Variants in KANSL1L observed in about 807,000 individuals in gnomAD.
KANSL1L encodes the protein KAT8 regulatory NSL complex subunit 1-like protein.
Under a neutral mutation model 108.6 loss-of-function variants are expected in KANSL1L, and 25 were observed. That is an observed-to-expected ratio of 0.23 (90% CI 0.17 to 0.32). The LOEUF (loss-of-function observed/expected upper bound fraction) is 0.32, where lower values mean the gene tolerates loss of function less well. Ranked by LOEUF, KANSL1L falls within the 10% of genes least tolerant of loss-of-function variation. The pLI is 1.00. For synonymous variants in KANSL1L, 405 were observed against 395.1 expected, an observed-to-expected ratio of 1.03 and a Z score of -0.30; for missense variants, 1,137 against 1,125.7, an observed-to-expected ratio of 1.01 and a Z score of -0.14.
At chr2:210,045,280 TA>T (rs2094211866) in intron 6 of KANSL1L, among the ~76,000 whole-genome samples, 1 of 151,610 alleles carries the variant, frequency 6.6e-6, no homozygotes, top group African/African-American at 2.4e-5. Flanking sequence ...CTCTTAATTT[TA>T]ATTTATTTAT....
At chr2:210,056,072 G>C (rs889041742) in intron 6 of KANSL1L, among the ~76,000 whole-genome samples, 1 of 152,220 alleles carries the variant, frequency 6.6e-6, no homozygotes, top group Non-Finnish European at 1.5e-5. Flanking sequence ...GTGCAGCCTT[G>C]GGGTGTGGTG....
chr2:210,137,703 A>G (rs1389300432), intron 2 of KANSL1L, among the ~76,000 whole-genome samples: 1 of 152,166 alleles, frequency 6.6e-6, no homozygotes, highest in Non-Finnish European at 1.5e-5. Flanking sequence ...TTCATAACAT[A>G]ATTCCCTGGG....
chr2:210,092,407 C>A (rs2094700008), intron 5 of KANSL1L, among the ~76,000 whole-genome samples: 1 of 152,124 alleles, frequency 6.6e-6, no homozygotes, highest in South Asian at 2.1e-4. Context: ...TCTTCTATGT[C>A]ACACATTCTC....
intron 6 of KANSL1L, among the ~76,000 whole-genome samples, chr2:210,069,242 GTGTCCCCCA>G: frequency 6.6e-6 from 1 of 152,200 alleles, no homozygotes; most frequent in South Asian, 2.1e-4. Context: ...TTCTAATAAC[GTGTCCCCCA>G]TTTCCTTCTG....
rs189691718 is a variant in KANSL1L, at chr2:210,112,766, G to A, written c.1231-8465C>T. On this transcript the variant is annotated intron_variant, in intron 3 of 14. Transcript: ENST00000281772. The stretch of plus-strand genomic sequence containing the variant: ...TTTATCGTTTCTATGTGTTGGAACA[G>A]GAACCACCAGGAATCTGTCACCCCA... Among the ~76,000 whole-genome samples, 58 of 152,216 alleles carry A rather than the reference G, an allele frequency of 3.8e-4. 1 individual carries two copies. The highest frequency in any genetic ancestry group is 3.8e-3 in the Admixed American group (58 of 15,300).
chr2:210,049,602 G>C (rs1300284242), intron 6 of KANSL1L, among the ~76,000 whole-genome samples: 1 of 151,978 alleles, frequency 6.6e-6, no homozygotes, highest in Non-Finnish European at 1.5e-5. Flanking sequence ...ATTTTTAAAA[G>C]AAAAATTTTC....
chr2:210,075,548 T>A lies in KANSL1L; in HGVS notation c.1755+4A>T, dbSNP rs553492170. 4 of 1,601,500 alleles carry A rather than the reference T, an allele frequency of 2.5e-6. No homozygotes were observed. In the African/African-American group the frequency reaches 5.3e-5, roughly 21 times the overall value. ...TCATGTTTTCTTCCCAAAGGCAGCC[T>A]TACCTGTGGAGTCCAATAAAAAGTA... On this transcript the variant is annotated splice_donor_region_variant and intron_variant, in intron 6 of 14. Transcript: ENST00000281772.
Position 210,044,047 on chromosome 2 carries a change from A to T in KANSL1L, c.1813T>A (p.Ser605Thr). The change falls in exon 7 of 15, where the codon TCA (serine) becomes ACA (threonine). Residue 605 changes from serine to threonine, a missense_variant. Ser to Thr is a moderately conservative substitution (Grantham distance 58). Transcript: ENST00000281772. The surrounding 1 kb of genome is among the most constrained non-coding windows in gnomAD (Gnocchi z 4.2). ...LNTTQMPCLQSASTWSSYEHN... is the reference protein window; with the variant it reads ...LNTTQMPCLQTASTWSSYEHN... ...TCATAGCTACTCCAAGTTGAAGCTGATTGCAGGCAAGGCATTTGTGTAGTG... is the reference window on the plus strand; with the variant it reads ...TCATAGCTACTCCAAGTTGAAGCTGTTTGCAGGCAAGGCATTTGTGTAGTG... 1 of 1,609,732 alleles carries T rather than the reference A, an allele frequency of 6.2e-7. No individual in the cohort carries two copies. Among genetic ancestry groups the T allele is most frequent in the Non-Finnish European group, 8.5e-7 (1 of 1,177,974 alleles).
intron 5 of KANSL1L, among the ~76,000 whole-genome samples, chr2:210,079,510 C>T (rs1310072342): frequency 6.7e-6 from 1 of 148,768 alleles, no homozygotes; most frequent in Non-Finnish European, 1.5e-5. Flanking sequence ...GCAGGAGAAT[C>T]GCTTGAACCT....
chr2:210,079,694 A>G (rs377671802), intron 5 of KANSL1L: 7 of 15,800 alleles, frequency 4.4e-4, no homozygotes, highest in South Asian at 3.0e-3. Context: ...ATATATATGT[A>G]TGTGTGTATA....
chr2:210,027,574 G>C (rs192718572), intron 11 of KANSL1L, among the ~76,000 whole-genome samples: 1 of 152,306 alleles, frequency 6.6e-6, no homozygotes, highest in Admixed American at 6.5e-5. Context: ...AGTCTGTTCT[G>C]TATAGCTGCA....
rs1261450735 is a variant in KANSL1L, at chr2:210,154,427, T to A, written c.156A>T (p.Pro52=). The change falls in exon 2 of 15, where the codon CCA becomes CCT. Residue 52 remains proline, a synonymous_variant. Coordinates refer to ENST00000281772, the MANE Select transcript of KANSL1L (RefSeq NM_152519.4). ...GDTFSQMLGF[P]TPEPTLNTNF... ...TAGTATTAAGAGTAGGTTCAGGAGT[T>A]GGAAATCCAAGCATCTGAGAAAAGG... 6.2e-7 allele frequency: 1 copy of A among 1,613,308 alleles called. No homozygotes were observed. Among genetic ancestry groups the A allele is most frequent in the Non-Finnish European group, 8.5e-7 (1 of 1,179,690 alleles).
At chr2:210,117,985 G>A (rs2094971768) in intron 3 of KANSL1L, among the ~76,000 whole-genome samples, 2 of 151,878 alleles carry the variant, frequency 1.3e-5, no homozygotes, top group Non-Finnish European at 2.9e-5. Context: ...CCAACATGGA[G>A]AAACCCCGTC....
intron 8 of KANSL1L, among the ~76,000 whole-genome samples, chr2:210,039,364 T>TAAAA (rs1031638720): frequency 2.5e-4 from 38 of 151,898 alleles, no homozygotes; most frequent in African/African-American, 8.4e-4. Flanking sequence ...TAAGTTTGAT[T>TAAAA]AAAAATACTT....
intron 3 of KANSL1L, among the ~76,000 whole-genome samples, chr2:210,125,342 T>G (rs2095056878): frequency 6.6e-6 from 1 of 152,136 alleles, no homozygotes; most frequent in Non-Finnish European, 1.5e-5. Flanking sequence ...CTTGATAAAG[T>G]AAAGCCCTGA....
At chr2:210,023,855 A>G (rs1411426730) in intron 14 of KANSL1L, among the ~76,000 whole-genome samples, 178 bp downstream of exon 14, 1 of 152,214 alleles carries the variant, frequency 6.6e-6, no homozygotes, top group Non-Finnish European at 1.5e-5. Context: ...TTGACTTGTT[A>G]CACAAGGTGA....
chr2:210,043,245 G>A (rs2094186989), intron 7 of KANSL1L, among the ~76,000 whole-genome samples: 1 of 151,822 alleles, frequency 6.6e-6, no homozygotes, highest in African/African-American at 2.4e-5. Flanking sequence ...AAATTAGCTG[G>A]GTATGGTGTC....
At chr2:210,081,643 G>C (rs2094590524) in intron 5 of KANSL1L, among the ~76,000 whole-genome samples, 1 of 152,130 alleles carries the variant, frequency 6.6e-6, no homozygotes, top group South Asian at 2.1e-4. Context: ...CTGATATTAT[G>C]CCTTACATAT....
intron 9 of KANSL1L, chr2:210,031,152 T>TA (rs1370154355): frequency 3.4e-6 from 1 of 293,892 alleles, no homozygotes; most frequent in Non-Finnish European, 6.3e-6. Context: ...CTTTGAAGAT[T>TA]AAATCCCATC....
Sources: gnomAD v4.1 joint callset for allele counts (sites outside exome capture counted in the v4.1 genomes callset) on GRCh38, gnomAD v4.1.1 for gene constraint, Gnocchi (gnomAD v3.1) non-coding constraint, MANE v1.5 for transcripts, NCBI Gene and HGNC (gene_info 2026-07-23, HGNC 2026-07-21) for gene names.